Variants in COL17A1 observed in about 807,000 individuals in gnomAD.
COL17A1 encodes the protein collagen alpha-1(XVII) chain.
In COL17A1, 181 loss-of-function variants were observed where a neutral mutation model predicts 218.4. The observed-to-expected ratio is 0.83, with a 90% confidence interval of 0.73 to 0.94. The LOEUF (loss-of-function observed/expected upper bound fraction) is 0.94, where lower values mean the gene tolerates loss of function less well. COL17A1 is among the 40% of genes least tolerant of loss of function. The pLI, the probability that COL17A1 is intolerant of heterozygous loss-of-function variation, is 0.00. For missense variants in COL17A1, 1,924 were observed against 1,945.9 expected, an observed-to-expected ratio of 0.99 and a Z score of 0.21; for synonymous variants, 721 against 731.0, an observed-to-expected ratio of 0.99 and a Z score of 0.22.
intron 32 of COL17A1, 38 bp downstream of exon 32, chr10:104,046,709 G>C: frequency 6.2e-7 from 1 of 1,610,558 alleles, no homozygotes; most frequent in Non-Finnish European, 8.5e-7. Context: ...CCCAGGAGAA[G>C]GTGGGAGACA....
intron 41 of COL17A1, 93 bp from the exon 42 acceptor site, chr10:104,039,733 G>A: frequency 3.2e-6 from 5 of 1,568,896 alleles, no homozygotes; most frequent in Non-Finnish European, 3.5e-6. Context: ...GATTGCTGGG[G>A]CTGCGTTGCC....
rs1315294483 is a variant in COL17A1 at position 104,034,148 on chromosome 10, G to A, written c.3953C>T (p.Ala1318Val). The change falls in exon 52 of 56, where the codon GCA becomes GTA. Residue 1318 changes from alanine to valine, a missense_variant. By Grantham distance (64) the Ala-to-Val change is moderately conservative. Transcript: ENST00000648076. ...GGCACCGCCTGCACCCAGGGAGCCT[G>A]CACCACCTCCTCCTGTGCTCATGGA... ...SSSMSTGGGG[A>V]GSLGAGGAFG... The A allele has an allele frequency of 3.1e-6, 5 of 1,613,826 alleles. No homozygotes were observed. Among genetic ancestry groups the A allele is most frequent in the Admixed American group, 3.3e-5 (2 of 60,016 alleles).
intron 9 of COL17A1, among the ~76,000 whole-genome samples, chr10:104,064,916 C>T (rs763659354): frequency 1.4e-4 from 21 of 152,200 alleles, no homozygotes; most frequent in Non-Finnish European, 2.8e-4. Flanking sequence ...AATGGCATTC[C>T]TCTCCAGCTG....
intron 1 of COL17A1, among the ~76,000 whole-genome samples, chr10:104,085,161 T>A (rs2086795322): frequency 6.6e-6 from 1 of 152,220 alleles, no homozygotes; most frequent in African/African-American, 2.4e-5. Context: ...ATTTCAAAGA[T>A]CCTACTTTTC....
In COL17A1 at chr10:104,041,099, T is replaced by C. The variant is rs1162909024; in HGVS notation, c.2667A>G (p.Pro889=). ...ACAGGAACGATCCTGGTGGGCCTGG[T>C]GGGCCTGGCAAACCCTCCCCTAGGA... is the stretch of plus-strand genomic sequence containing the variant. ...RGPPGEGLPG[P]PGPPGSFLSN... is the part of the protein sequence containing the mutation. The change falls in exon 39 of 56, where the codon CCA becomes CCG. Residue 889 remains proline (P), a synonymous_variant. Transcript: ENST00000648076. The C allele has an allele frequency of 1.2e-6, 2 of 1,613,016 alleles. No homozygotes were observed. The highest frequency in any genetic ancestry group is 1.7e-5 in the Admixed American group (1 of 59,942).
chr10:104,069,196 T>C (rs1002033358), intron 9 of COL17A1, among the ~76,000 whole-genome samples: 7 of 152,126 alleles, frequency 4.6e-5, no homozygotes, highest in African/African-American at 1.7e-4. Context: ...ATGCCCAAAA[T>C]AGGGAGACTA....
Position 104,031,491 on chromosome 10 carries a change from C to G in COL17A1, c.*744G>C, listed in dbSNP as rs886046680. ...CCCCAGCATCAGGTTTTCTGTTTTC[C>G]CTCTTCTCCCTTTATTCCTTCCTTG... On this transcript the variant is annotated 3_prime_UTR_variant, in exon 56 of 56. Coordinates refer to ENST00000648076, the MANE Select transcript of COL17A1 (RefSeq NM_000494.4). 1 of 152,456 alleles carries G rather than the reference C, an allele frequency of 6.6e-6. No homozygotes were observed. The highest frequency in any genetic ancestry group is 1.5e-5 in the Non-Finnish European group (1 of 68,042). 9.4% of individuals were successfully genotyped at this position (152,456 alleles called of 1,614,324 possible).
intron 33 of COL17A1, among the ~76,000 whole-genome samples, chr10:104,045,432 C>T (rs1230527278): frequency 1.3e-5 from 2 of 152,144 alleles, no homozygotes; most frequent in Non-Finnish European, 2.9e-5. Flanking sequence ...CTAATGGGGG[C>T]ATTTAGAGGC....
intron 47 of COL17A1, 60 bp from the exon 48 acceptor site, chr10:104,036,692 T>G (rs1043282583): frequency 9.4e-6 from 15 of 1,588,652 alleles, no homozygotes; most frequent in Non-Finnish European, 1.3e-5. Flanking sequence ...GCAGCCATGA[T>G]CCAGCCACAG....
Position 104,061,538 on chromosome 10 carries a change from C to T in COL17A1, c.911-65G>A, listed in dbSNP as rs923840464. Reference sequence around the variant, plus strand: ...CCAGGTGACTCAGGAGAAGCCTGATCAGCCCTGGCAGAGAGGTACCCCCGA... The same window carrying T: ...CCAGGTGACTCAGGAGAAGCCTGATTAGCCCTGGCAGAGAGGTACCCCCGA... On this transcript the variant is annotated intron_variant, in intron 12 of 55. Coordinates refer to ENST00000648076, the MANE Select transcript of COL17A1 (RefSeq NM_000494.4). 2.8e-6 allele frequency: 4 copies of T among 1,403,992 alleles called. No individual in the cohort carries two copies. In the African/African-American group the frequency reaches 5.7e-5, roughly 20 times the overall value. 87.0% of individuals were successfully genotyped at this position (1,403,992 alleles called of 1,614,324 possible). A position where few individuals can be genotyped will look rare whatever the true frequency, so the allele number is the denominator to read the frequency against.
In COL17A1 at chr10:104,055,393, G is replaced by A. The variant is rs2086510950; in HGVS notation, c.1696C>T (p.Arg566Ter). 1.9e-6 allele frequency: 3 copies of A among 1,601,022 alleles called. No homozygotes were observed. Among genetic ancestry groups the A allele is most frequent in the Non-Finnish European group, 2.6e-6 (3 of 1,173,316 alleles). ...ATACCTTTAGGGCCAGGGCTTCCTC[G>A]GAGATTTCCTGCAAGAAAAAGCAAA... ...LMMEQENGNLRGSPGPKGDMG... is the reference protein window; with the variant it reads ...LMMEQENGNL Residue 566 changes from arginine to a stop codon, truncating the protein, a stop_gained, in exon 19 of 56, where the codon CGA becomes TGA. Transcript: ENST00000648076. LOFTEE classifies it high-confidence loss of function.
At chr10:104,072,249 C>T (rs1221823202) in intron 7 of COL17A1, among the ~76,000 whole-genome samples, 170 bp from the exon 8 acceptor site, 1 of 152,110 alleles carries the variant, frequency 6.6e-6, no homozygotes, top group African/African-American at 2.4e-5. Flanking sequence ...AAAGGGAGAC[C>T]TCCCTACCTC....
chr10:104,037,487 C>T, intron 46 of COL17A1, 149 bp downstream of exon 46: 1 of 1,084,398 alleles, frequency 9.2e-7, no homozygotes, highest in Non-Finnish European at 1.4e-6. Context: ...GACACTGTAT[C>T]CCAGTGGCCC....
At chr10:104,068,060 G>A (rs1299212516) in intron 9 of COL17A1, among the ~76,000 whole-genome samples, 1 of 152,146 alleles carries the variant, frequency 6.6e-6, no homozygotes, top group Non-Finnish European at 1.5e-5. Flanking sequence ...CCCTGCTGGC[G>A]GAGGGGAGTC....
intron 29 of COL17A1, 107 bp from the exon 30 acceptor site, chr10:104,048,211 C>T (rs934665627): frequency 1.9e-5 from 23 of 1,216,268 alleles, no homozygotes; most frequent in African/African-American, 4.5e-5. Context: ...CAGGAGCCCA[C>T]GCAGCCATCA....
rs770869869 is a variant in COL17A1, at chr10:104,043,532, G to A, written c.2484C>T (p.Ala828=). The part of the protein sequence containing the change: ...TVPGPPGPPG[A]MGPPGPPGAP... ...CACCTGGAGGTCCTGGGGGTCCCAT[G>A]GCTCCAGGAGGTCCTGGGGGGCCTG... The change falls in exon 35 of 56, where the codon GCC becomes GCT. Residue 828 remains alanine, a synonymous_variant. Coordinates refer to ENST00000648076, the MANE Select transcript of COL17A1 (RefSeq NM_000494.4). 6.2e-7 allele frequency: 1 copy of A among 1,610,908 alleles called. No homozygotes were observed. The highest frequency in any genetic ancestry group is 1.1e-5 in the South Asian group (1 of 88,142).
In COL17A1 at chr10:104,035,213, A is replaced by G. The variant is rs1427258604; in HGVS notation, c.3619+50T>C. ...TTGCTAAAGCCCATGGGAGCCCCCA[A>G]GGCCCGGCTGCATCCCCTGCCCTCC... On this transcript the variant is annotated intron_variant, in intron 50 of 55. Coordinates refer to ENST00000648076, the MANE Select transcript of COL17A1 (RefSeq NM_000494.4). 2.7e-6 allele frequency: 4 copies of G among 1,504,526 alleles called. No individual in the cohort carries two copies. The Admixed American group carries it at 7.3e-5, about 28-fold the overall frequency. 93.2% of individuals were successfully genotyped at this position (1,504,526 alleles called of 1,614,324 possible).
At chr10:104,038,574 G>T in intron 44 of COL17A1, 46 bp from the exon 45 acceptor site, 2 of 1,603,028 alleles carry the variant, frequency 1.2e-6, no homozygotes, top group Non-Finnish European at 1.7e-6. Flanking sequence ...CCACCCTAGG[G>T]TCAGACAAAC....
chr10:104,039,651 C>T lies in COL17A1; in HGVS notation c.2789-11G>A. 2 of 1,614,134 alleles carry T rather than the reference C, an allele frequency of 1.2e-6. No homozygotes were observed. Among genetic ancestry groups the T allele is most frequent in the African/African-American group, 1.3e-5 (1 of 75,030 alleles). ...GGAGGCCTTGCTCGCCTGAGGAACA[C>T]ACCAAGGGAGGGACAGTCAGCCTCA... On this transcript the variant is annotated splice_polypyrimidine_tract_variant and intron_variant, in intron 41 of 55. Transcript: ENST00000648076.
Sources: gnomAD v4.1 joint callset for allele counts (sites outside exome capture counted in the v4.1 genomes callset) on GRCh38, gnomAD v4.1.1 for gene constraint, MANE v1.5 for transcripts, NCBI Gene and HGNC (gene_info 2026-07-23, HGNC 2026-07-21) for gene names.